Variants in FKBP9 observed in about 807,000 individuals in gnomAD.
FKBP9 encodes peptidyl-prolyl cis-trans isomerase FKBP9.
In FKBP9, 27 loss-of-function variants were observed where a neutral mutation model predicts 55.6. That is an observed-to-expected ratio of 0.49 (90% confidence interval 0.36 to 0.67). The LOEUF is 0.67. Among genes scored for constraint, FKBP9 ranks in the 30% least tolerant of loss-of-function variants. The probability of loss-of-function intolerance (pLI) is 0.00; values close to 1 mark genes in which losing one functional copy is unlikely to be tolerated. For synonymous variants in FKBP9, 267 were observed against 296.5 expected, an observed-to-expected ratio of 0.90 and a Z score of 1.02; for missense variants, 539 against 742.8, an observed-to-expected ratio of 0.73 and a Z score of 3.19.
chr7:32,963,814 G>C, intron 1 of FKBP9: 1 of 1,199,080 alleles, frequency 8.3e-7, no homozygotes, highest in Non-Finnish European at 1.1e-6. Context: ...CTGGGATCCA[G>C]CACCAGCGCC....
Position 32,976,349 on chromosome 7 carries a change from T to G in FKBP9, c.558-5T>G. On this transcript the variant is annotated splice_region_variant and splice_polypyrimidine_tract_variant and intron_variant, in intron 3 of 9. Transcript: ENST00000242209. The stretch of plus-strand genomic sequence containing the variant: ...GAACTTTTTCCCTTTCTCATTACCT[T>G]TCAGTCACAATCGCATGAAAACATA... 6.2e-7 allele frequency: 1 copy of G among 1,613,948 alleles called. No individual in the cohort carries two copies. The highest frequency in any genetic ancestry group is 8.5e-7 in the Non-Finnish European group (1 of 1,179,866).
In FKBP9 at chr7:32,974,646, T is replaced by C. The variant is rs778010343; in HGVS notation, c.251T>C (p.Phe84Ser). 6.2e-7 allele frequency: 1 copy of C among 1,613,866 alleles called. No homozygotes were observed. Residue 84 changes from phenylalanine to serine, a missense_variant, in exon 2 of 10, where the codon TTT becomes TCT. This residue lies in a region of FKBP9 where 236 missense variants were observed against 271.5 expected (regional missense o/e 0.87). Transcript: ENST00000242209. ...GACAGAGACTCCACTTTCAATGTGT[T>C]TGTGGGAAAAGGACAGCTGATCACA... ...SYDRDSTFNV[F>S]VGKGQLITGM... is the part of the protein sequence containing the mutation.
intron 6 of FKBP9, among the ~76,000 whole-genome samples, chr7:32,995,519 T>C (rs990031625): frequency 6.6e-5 from 10 of 152,282 alleles, no homozygotes; most frequent in African/African-American, 2.4e-4. Context: ...AAAAATACTT[T>C]GGCAAACTGT....
intron 6 of FKBP9, among the ~76,000 whole-genome samples, chr7:32,989,945 G>A (rs1015756578): frequency 3.3e-5 from 5 of 152,122 alleles, no homozygotes; most frequent in African/African-American, 1.2e-4. Context: ...AGCCTCCTGA[G>A]TAGCTAGGAC....
intron 6 of FKBP9, chr7:32,994,879 A>C (rs186499029): frequency 5.6e-4 from 99 of 178,132 alleles, no homozygotes; most frequent in African/African-American, 2.1e-3. Flanking sequence ...GTAAGGAGGG[A>C]CTGTTGGAGT....
chr7:32,961,855 C>A (rs1158782230), intron 1 of FKBP9, among the ~76,000 whole-genome samples: 1 of 148,632 alleles, frequency 6.7e-6, no homozygotes, highest in Non-Finnish European at 1.5e-5. Context: ...CTCCCATCAC[C>A]CCTAGATGGG....
chr7:32,961,877 G>T (rs1016693182), intron 1 of FKBP9, among the ~76,000 whole-genome samples: 2 of 151,972 alleles, frequency 1.3e-5, no homozygotes, highest in African/African-American at 4.8e-5. Flanking sequence ...CCATCTAGTT[G>T]CAGGAAAACA....
intron 6 of FKBP9, among the ~76,000 whole-genome samples, chr7:32,990,477 G>A (rs369489551): frequency 2.6e-5 from 4 of 152,148 alleles, no homozygotes; most frequent in African/African-American, 9.7e-5. Context: ...CAAGTTTGTG[G>A]TATTTTGCTG....
chr7:32,965,832 T>TATATATGTGTACAC (rs1554284331), intron 1 of FKBP9, among the ~76,000 whole-genome samples: 1,293 of 43,042 alleles, frequency 0.03, 25 homozygotes, highest in Non-Finnish European at 0.043. Flanking sequence ...TATATATATA[T>TATATATGTGTACAC]ATATATATAT....
At chr7:33,002,616 T>G in intron 8 of FKBP9, 60 bp from the exon 9 acceptor site, 5 of 1,589,888 alleles carry the variant, frequency 3.1e-6, no homozygotes, top group Non-Finnish European at 4.3e-6. Context: ...GGGTGCTGGT[T>G]GTTGGGCTTG....
chr7:32,980,643 A>G, intron 5 of FKBP9, 90 bp downstream of exon 5: 3 of 1,520,120 alleles, frequency 2.0e-6, no homozygotes, highest in African/African-American at 1.4e-5. Flanking sequence ...TACTCTGTCC[A>G]TGCTGATTTG....
intron 4 of FKBP9, chr7:32,979,731 A>G: frequency 1.4e-6 from 1 of 708,030 alleles, no homozygotes; most frequent in Non-Finnish European, 2.5e-6. Flanking sequence ...AGATATTCAA[A>G]ATATTCCCAC....
intron 1 of FKBP9, among the ~76,000 whole-genome samples, chr7:32,958,945 C>T (rs1242943376): frequency 6.6e-6 from 1 of 152,200 alleles, no homozygotes; most frequent in Non-Finnish European, 1.5e-5. Context: ...ATTTGTTGAG[C>T]CCCTGCTATG....
intron 8 of FKBP9, 107 bp from the exon 9 acceptor site, chr7:33,002,569 A>G: frequency 2.7e-6 from 4 of 1,498,380 alleles, no homozygotes; most frequent in Non-Finnish European, 3.6e-6. Context: ...CTTTGGTCAG[A>G]AGTCCCACTC....
intron 7 of FKBP9, chr7:32,998,521 A>T (rs1562575788): frequency 6.6e-6 from 1 of 151,976 alleles, no homozygotes; most frequent in Non-Finnish European, 1.5e-5. Context: ...TGCATTTTGT[A>T]CTCTGAGAGC....
intron 6 of FKBP9, chr7:32,989,074 C>T (rs750197616): frequency 6.5e-6 from 1 of 153,158 alleles, no homozygotes; most frequent in African/African-American, 2.4e-5. Context: ...GTGAATTCCA[C>T]TTTGTTTTGC....
At chr7:32,972,729 C>G (rs1176345396) in intron 1 of FKBP9, among the ~76,000 whole-genome samples, 1 of 152,064 alleles carries the variant, frequency 6.6e-6, no homozygotes, top group African/African-American at 2.4e-5. Context: ...CCCCCCCCAC[C>G]CTTTTTGAGA....
In FKBP9 at chr7:33,000,117, G is replaced by A; in HGVS notation, c.1229G>A (p.Trp410Ter). 4 of 1,614,156 alleles carry A rather than the reference G, an allele frequency of 2.5e-6. No individual in the cohort carries two copies. The highest frequency in any genetic ancestry group is 3.4e-6 in the Non-Finnish European group (4 of 1,180,016). The change falls in exon 8 of 10, where the codon TGG (tryptophan) becomes TAG (stop). Residue 410 changes from tryptophan (W) to a stop codon, truncating the protein, a stop_gained and splice_region_variant. Coordinates refer to ENST00000242209, the MANE Select transcript of FKBP9 (RefSeq NM_007270.5). LOFTEE classifies it high-confidence loss of function. ...GAGGCTCTTCTGTTTCATTTTAGGT[G>A]GAATTTAGGCAAAACTTACAATATT... Reference protein sequence around the residue: ...LLDGTLLDSTWNLGKTYNIVL... With the variant: ...LLDGTLLDST
At position 32,970,306 on chromosome 7, in the gene FKBP9, C is replaced by G. The variant is rs372390776; in HGVS notation, c.222-4311C>G. Among the ~76,000 whole-genome samples, 53 of 152,190 alleles carry G rather than the reference C, an allele frequency of 3.5e-4. No homozygotes were observed. The East Asian group carries it at 8.6e-3, about 25-fold the overall frequency. ...CCACCTCCCAAGTTCAAGCGATTCT[C>G]CTGTCTCAGCCTCCCGAGTAGCTGG... On this transcript the variant is annotated intron_variant, in intron 1 of 9. Transcript: ENST00000242209.
Sources: allele counts gnomAD v4.1 joint callset (sites outside exome capture counted in the v4.1 genomes callset), GRCh38; gene constraint gnomAD v4.1.1; regional missense constraint gnomAD v4.1.1; transcripts MANE v1.5; gene names NCBI Gene and HGNC (gene_info 2026-07-23, HGNC 2026-07-21).